ITGB4: variants seen among roughly 807,000 people sequenced by gnomAD.
The protein encoded by ITGB4 is integrin beta-4.
ITGB4 carries 159 observed loss-of-function variants against 207.6 expected under a neutral mutation model. The observed-to-expected ratio is 0.77, with a 90% CI of 0.67 to 0.87. The LOEUF (loss-of-function observed/expected upper bound fraction) is 0.87, where lower values mean the gene tolerates loss of function less well. ITGB4 is among the 40% of genes least tolerant of loss of function. The probability of loss-of-function intolerance (pLI) is 0.00; values close to 1 mark genes in which losing one functional copy is unlikely to be tolerated. For synonymous variants in ITGB4, 1,020 were observed against 1,062.7 expected (o/e 0.96, Z 0.78); for missense variants, 2,278 against 2,546.8 (o/e 0.89, Z 2.27).
chr17:75,734,136 T>G lies in ITGB4; in HGVS notation c.1657+444T>G, dbSNP rs1053727128. On this transcript the variant is annotated intron_variant, in intron 13 of 39. Transcript: ENST00000200181. ...TGTTGTTGTTGCTGCTGTTTTTTTT[T>G]TTTTTTTTTTTTTTTTTGAGACAGA... Among the ~76,000 whole-genome samples the G allele has an allele frequency of 1.2e-4, 17 of 141,050 alleles. 1 individual carries two copies. Among genetic ancestry groups the G allele is most frequent in the African/African-American group, 3.8e-4 (14 of 37,246 alleles). The allele number at this position is 141,050 out of a possible 152,430, so 92.5% of individuals were successfully genotyped here. A position where few individuals can be genotyped will look rare whatever the true frequency, so the allele number is the denominator to read the frequency against.
chr17:75,727,864 G>C lies in ITGB4; in HGVS notation c.469+9G>C. On this transcript the variant is annotated intron_variant, in intron 5 of 39. Transcript: ENST00000200181. The surrounding 1 kb of genome is among the most constrained non-coding windows in gnomAD (Gnocchi z 6.0). ...GATGGGGCAGAACCTGGGTACGGCAGGGCCAGAGTGGAGGACAGCAGGGCA... is the reference window on the plus strand; with the variant it reads ...GATGGGGCAGAACCTGGGTACGGCACGGCCAGAGTGGAGGACAGCAGGGCA... 6.2e-7 allele frequency: 1 copy of C among 1,613,170 alleles called. No homozygotes were observed. The highest frequency in any genetic ancestry group is 1.1e-5 in the South Asian group (1 of 91,044).
In ITGB4 at chr17:75,748,869, T is replaced by C; in HGVS notation, c.3140T>C (p.Leu1047Pro). Residue 1047 changes from leucine to proline, a missense_variant, in exon 27 of 40, where the codon CTG becomes CCG. By Grantham distance (98) the Leu-to-Pro change is moderately conservative. Coordinates refer to ENST00000200181, the MANE Select transcript of ITGB4 (RefSeq NM_000213.5). Reference protein sequence around the residue: ...RDYIPVEGELLFQPGEAWKEL... With the variant: ...RDYIPVEGELPFQPGEAWKEL... ...TACATCCCCGTGGAGGGTGAGCTGC[T>C]GTTCCAGCCTGGGGAGGCCTGGAAA... 2 of 1,612,510 alleles carry C rather than the reference T, an allele frequency of 1.2e-6. No homozygotes were observed. Among genetic ancestry groups the C allele is most frequent in the Non-Finnish European group, 1.7e-6 (2 of 1,179,736 alleles).
At chr17:75,756,121 G>A (rs1391627995) in intron 35 of ITGB4, among the ~76,000 whole-genome samples, 2 of 152,188 alleles carry the variant, frequency 1.3e-5, no homozygotes, top group Non-Finnish European at 2.9e-5. Context: ...GGGATCCTAG[G>A]GCCTCTGCTG....
chr17:75,726,737 A>G (rs764562907), intron 2 of ITGB4, among the ~76,000 whole-genome samples: 22 of 151,820 alleles, frequency 1.4e-4, no homozygotes, highest in South Asian at 8.3e-4. Context: ...TCTGAAAAAT[A>G]AAGTAAAACA....
chr17:75,733,170 C>T (rs1262885953), intron 12 of ITGB4, among the ~76,000 whole-genome samples: 1 of 151,942 alleles, frequency 6.6e-6, no homozygotes, highest in African/African-American at 2.4e-5. Context: ...GGGCGGATCA[C>T]AAGGTCAGGA....
chr17:75,753,680 G>A, intron 32 of ITGB4, 85 bp from the exon 33 acceptor site: 3 of 928,438 alleles, frequency 3.2e-6, no homozygotes, highest in South Asian at 9.5e-5. Flanking sequence ...GGCTCCCCTC[G>A]CAGAGCCTAC....
rs751017268 is a variant in ITGB4, at chr17:75,754,570, C to G, written c.4319-6C>G. 1.2e-6 allele frequency: 2 copies of G among 1,613,540 alleles called. No individual in the cohort carries two copies. Among genetic ancestry groups the G allele is most frequent in the Non-Finnish European group, 1.7e-6 (2 of 1,179,976 alleles). ...CTGACCAAGGGACCCTGCTCTCCCC[C>G]TGCAGAGCACCTGGTGAATGGCCGG... is the stretch of plus-strand genomic sequence containing the variant. On this transcript the variant is annotated splice_region_variant and splice_polypyrimidine_tract_variant and intron_variant, in intron 33 of 39. Coordinates refer to ENST00000200181, the MANE Select transcript of ITGB4 (RefSeq NM_000213.5).
In ITGB4 at chr17:75,754,763, C is replaced by T. The variant is rs1346164412; in HGVS notation, c.4506C>T (p.His1502=). The change falls in exon 34 of 40, where the codon CAC becomes CAT. Residue 1502 remains histidine, a synonymous_variant. Coordinates refer to ENST00000200181, the MANE Select transcript of ITGB4 (RefSeq NM_000213.5). ...YNSLTRSEHS[H]STTLPRDYST... ...CACTGACCCGCTCAGAACACTCACA[C>T]TCGACCACACTGCCCAGGGACTACT... 3 of 1,612,662 alleles carry T rather than the reference C, an allele frequency of 1.9e-6. No homozygotes were observed. Among genetic ancestry groups the T allele is most frequent in the Non-Finnish European group, 2.5e-6 (3 of 1,178,974 alleles).
intron 6 of ITGB4, among the ~76,000 whole-genome samples, chr17:75,728,986 CAAAAAAAA>C (rs933959785): frequency 2.2e-5 from 1 of 45,212 alleles, no homozygotes; most frequent in African/African-American, 8.4e-5. Context: ...TCTGTCTCAA[CAAAAAAAA>C]AAAAAAAAAA....
At position 75,729,430 on chromosome 17, in the gene ITGB4, G is replaced by T; in HGVS notation, c.732G>T (p.Val244=). Residue 244 remains valine (V), a synonymous_variant, in exon 7 of 40, where the codon GTG becomes GTT. Coordinates refer to ENST00000200181, the MANE Select transcript of ITGB4 (RefSeq NM_000213.5). The surrounding 1 kb of genome is among the most constrained non-coding windows in gnomAD (Gnocchi z 4.4). ...GGFDAILQTA[V]CTRDIGWRPD... is the part of the protein sequence containing the mutation. Reference sequence around the variant, plus strand: ...TCGATGCCATCCTGCAGACAGCTGTGTGCACGGTGGGCACTGGGAAGGGTG... The same window carrying T: ...TCGATGCCATCCTGCAGACAGCTGTTTGCACGGTGGGCACTGGGAAGGGTG... 1.9e-6 allele frequency: 3 copies of T among 1,613,952 alleles called. No homozygotes were observed. Among genetic ancestry groups the T allele is most frequent in the Non-Finnish European group, 1.7e-6 (2 of 1,179,926 alleles).
intron 26 of ITGB4, among the ~76,000 whole-genome samples, chr17:75,744,621 A>G (rs1294015366): frequency 1.3e-5 from 2 of 152,112 alleles, no homozygotes; most frequent in Non-Finnish European, 2.9e-5. Context: ...GGCTGTCACA[A>G]TTTGCCAAGC....
At chr17:75,726,190 C>T (rs916525346) in intron 2 of ITGB4, among the ~76,000 whole-genome samples, 3 of 152,240 alleles carry the variant, frequency 2.0e-5, no homozygotes, top group South Asian at 4.1e-4. Flanking sequence ...CAGTGGCTCA[C>T]GCCTATAATT....
Position 75,740,520 on chromosome 17 carries a change from G to A in ITGB4, c.2550+59G>A, listed in dbSNP as rs1460176256. 1.5e-6 allele frequency: 2 copies of A among 1,349,698 alleles called. No individual in the cohort carries two copies. The highest frequency in any genetic ancestry group is 2.3e-5 in the East Asian group (1 of 43,534). 83.6% of individuals were successfully genotyped at this position (1,349,698 alleles called of 1,614,324 possible). A position where few individuals can be genotyped will look rare whatever the true frequency, so the allele number is the denominator to read the frequency against. On this transcript the variant is annotated intron_variant, in intron 21 of 39. Transcript: ENST00000200181. This position sits in a 1 kb window ranked among gnomAD's most constrained non-coding sequence, Gnocchi z 5.9. ...GTGGGTATGAGGGCGGGTGAGGTGG[G>A]CAGGGCAGAGCGAATGCGGTCGTGG...
At position 75,730,472 on chromosome 17, in the gene ITGB4, GC is replaced by G; in HGVS notation, c.971del (p.Ala324ValfsTer52). 6.2e-7 allele frequency: 1 copy of G among 1,613,976 alleles called. No homozygotes were observed. The highest frequency in any genetic ancestry group is 1.1e-5 in the South Asian group (1 of 91,074). The stretch of plus-strand genomic sequence containing the variant: ...CAAGCACAACATCATCCCCATCTTT[GC>G]TGTCACCAACTACTCCTATAGCTAC... The part of the protein sequence containing the change: ...LAKHNIIPIF[A>X]VTNYSYSYYE... On this transcript the variant is annotated frameshift_variant, in exon 8 of 40. Coordinates refer to ENST00000200181, the MANE Select transcript of ITGB4 (RefSeq NM_000213.5). LOFTEE classifies it high-confidence loss of function.
chr17:75,737,314 G>A lies in ITGB4; in HGVS notation c.1991-8G>A, dbSNP rs1355464890. 1 of 1,588,108 alleles carries A rather than the reference G, an allele frequency of 6.3e-7. No homozygotes were observed. Among genetic ancestry groups the A allele is most frequent in the Non-Finnish European group, 8.6e-7 (1 of 1,167,944 alleles). ...CTGGGGTGCCCTGCTGACTGGCTGT[G>A]GGTACAGCCGAGGAGGTGGTGGTGC... is the stretch of plus-strand genomic sequence containing the variant. On this transcript the variant is annotated splice_polypyrimidine_tract_variant and splice_region_variant and intron_variant, in intron 16 of 39. Coordinates refer to ENST00000200181, the MANE Select transcript of ITGB4 (RefSeq NM_000213.5).
At chr17:75,743,996 A>G in intron 26 of ITGB4, 135 bp downstream of exon 26, 1 of 991,902 alleles carries the variant, frequency 1.0e-6, no homozygotes, top group Non-Finnish European at 1.5e-6. Flanking sequence ...TGGCCTCCCA[A>G]GGACACGTCC....
In ITGB4 at chr17:75,727,060, G is replaced by A. The variant is rs1443355105; in HGVS notation, c.80-135G>A. 1.8e-5 allele frequency: 14 copies of A among 761,904 alleles called. No individual in the cohort carries two copies. The highest frequency in any genetic ancestry group is 5.4e-5 in the East Asian group (2 of 36,808). The allele number at this position is 761,904 out of a possible 1,614,324, so 47.2% of individuals were successfully genotyped here. A position where few individuals can be genotyped will look rare whatever the true frequency, so the allele number is the denominator to read the frequency against. ...TGCACTCCAGCCTGGGCAACAGAGC[G>A]AGACTCTGTCTCAAAATAAATAAAT... On this transcript the variant is annotated intron_variant, in intron 2 of 39. Transcript: ENST00000200181. This position sits in a 1 kb window ranked among gnomAD's most constrained non-coding sequence, Gnocchi z 6.0.
Position 75,722,481 on chromosome 17 carries a change from C to G in ITGB4, c.-11+869C>G, listed in dbSNP as rs529113538. Among the ~76,000 whole-genome samples the G allele has an allele frequency of 2.0e-3, 311 of 152,292 alleles. No individual in the cohort carries two copies. Among genetic ancestry groups the G allele is most frequent in the Non-Finnish European group, 3.0e-3 (201 of 68,012 alleles). ...GCAGTGAAGGCTTGGAGTCTCCATC[C>G]TGGGGGCTGAGGGAAGGACAGCAGG... is the stretch of plus-strand genomic sequence containing the variant. On this transcript the variant is annotated intron_variant, in intron 1 of 39. Coordinates refer to ENST00000200181, the MANE Select transcript of ITGB4 (RefSeq NM_000213.5). This position sits in a 1 kb window ranked among gnomAD's most constrained non-coding sequence, Gnocchi z 6.2.
At chr17:75,733,813 G>A in intron 13 of ITGB4, 121 bp downstream of exon 13, 1 of 1,158,472 alleles carries the variant, frequency 8.6e-7, no homozygotes, top group Non-Finnish European at 1.2e-6. Flanking sequence ...CCAAGTTCAG[G>A]CCCAGCCCAC....
Sources: gnomAD v4.1 joint callset for allele counts (sites outside exome capture counted in the v4.1 genomes callset) on GRCh38, gnomAD v4.1.1 for gene constraint, Gnocchi (gnomAD v3.1) non-coding constraint, MANE v1.5 for transcripts, NCBI Gene and HGNC (gene_info 2026-07-23, HGNC 2026-07-21) for gene names.